The following CTNNA3 variants were observed in gnomAD, a reference collection of about 807,000 sequenced individuals.
CTNNA3 encodes catenin alpha 3, also known as catenin alpha-3.
In CTNNA3, 76 loss-of-function variants were observed where a neutral mutation model predicts 95.7. The ratio of observed to expected loss-of-function variants is 0.79; its 90% confidence interval spans 0.66 to 0.96. CTNNA3 has a LOEUF of 0.96. Ranked by LOEUF, CTNNA3 falls within the 40% of genes least tolerant of loss-of-function variation. CTNNA3 has a pLI of 0.00. For missense variants in CTNNA3, 1,191 were observed against 1,089.8 expected (o/e 1.09, Z -1.31); for synonymous variants, 431 against 374.4 (o/e 1.15, Z -1.74).
At chr10:66,463,624 T>C (rs1564987962) in intron 11 of CTNNA3, among the ~76,000 whole-genome samples, 1 of 152,014 alleles carries the variant, frequency 6.6e-6, no homozygotes, top group Non-Finnish European at 1.5e-5. Context: ...AAAACAATAA[T>C]ATATGAAAAA....
At chr10:65,941,078 A>G (rs1423960690) in intron 17 of CTNNA3, among the ~76,000 whole-genome samples, 2 of 152,230 alleles carry the variant, frequency 1.3e-5, no homozygotes, top group Non-Finnish European at 2.9e-5. Context: ...CTTGCAAGCC[A>G]ATATTTACAT....
At chr10:66,416,110 A>C (rs2093143821) in intron 11 of CTNNA3, among the ~76,000 whole-genome samples, 1 of 142,708 alleles carries the variant, frequency 7.0e-6, no homozygotes, top group South Asian at 2.3e-4. Flanking sequence ...AAAGTGATAG[A>C]TAACGTAGAA....
chr10:67,137,153 G>A (rs1294202707), intron 7 of CTNNA3, among the ~76,000 whole-genome samples: 1 of 152,158 alleles, frequency 6.6e-6, no homozygotes, highest in East Asian at 1.9e-4. Flanking sequence ...GTAACAGTAA[G>A]TGTTGCATGA....
At chr10:67,301,458 T>C (rs955510851) in intron 5 of CTNNA3, among the ~76,000 whole-genome samples, 2 of 152,100 alleles carry the variant, frequency 1.3e-5, no homozygotes, top group Admixed American at 6.6e-5. Flanking sequence ...CTCAAAAAAC[T>C]AAAAATAGAG....
chr10:66,812,392 C>G (rs1841916941), intron 7 of CTNNA3, among the ~76,000 whole-genome samples: 1 of 152,102 alleles, frequency 6.6e-6, no homozygotes, highest in Non-Finnish European at 1.5e-5. Flanking sequence ...ACATGGTATT[C>G]TGCTATGACA....
At chr10:66,165,888 C>T (rs1458724257) in intron 13 of CTNNA3, among the ~76,000 whole-genome samples, 1 of 151,948 alleles carries the variant, frequency 6.6e-6, no homozygotes, top group Non-Finnish European at 1.5e-5. Context: ...CTGCCTCAGC[C>T]TCCCAAGTAG....
intron 7 of CTNNA3, among the ~76,000 whole-genome samples, chr10:67,005,053 AT>A (rs777213790): frequency 2.0e-5 from 3 of 152,212 alleles, no homozygotes; most frequent in Non-Finnish European, 4.4e-5. Context: ...ATAGTACACA[AT>A]GTGGGATTGG....
intron 9 of CTNNA3, among the ~76,000 whole-genome samples, chr10:66,749,655 T>A (rs1411610706): frequency 6.6e-6 from 1 of 152,224 alleles, no homozygotes; most frequent in African/African-American, 2.4e-5. Flanking sequence ...CAATTATGAA[T>A]AAAGCTTCTA....
intron 11 of CTNNA3, among the ~76,000 whole-genome samples, chr10:66,472,482 T>G (rs1384974466): frequency 1.3e-5 from 2 of 151,978 alleles, no homozygotes; most frequent in Non-Finnish European, 2.9e-5. Context: ...TGTGGCTGGT[T>G]TTCTCATTTT....
At chr10:66,991,397 T>G (rs187290258) in intron 7 of CTNNA3, among the ~76,000 whole-genome samples, 1 of 152,318 alleles carries the variant, frequency 6.6e-6, no homozygotes, top group East Asian at 1.9e-4. Context: ...AATAGCCTAC[T>G]CAGAAAATTA....
intron 13 of CTNNA3, among the ~76,000 whole-genome samples, chr10:66,222,469 T>C (rs1396456670): frequency 6.6e-6 from 1 of 152,026 alleles, no homozygotes; most frequent in African/African-American, 2.4e-5. Flanking sequence ...CTCATGTGTT[T>C]ATGCATTTAT....
In CTNNA3 at chr10:66,819,692, T is replaced by G. The variant is rs148744819; in HGVS notation, c.1048-44168A>C. On this transcript the variant is annotated intron_variant, in intron 7 of 17. Coordinates refer to ENST00000433211, the MANE Select transcript of CTNNA3 (RefSeq NM_013266.4). ...TTAAAATACAGGCAAAGGATTTGACTAAACATTTTTCTAGACATACAAATG... is the reference window on the plus strand; with the variant it reads ...TTAAAATACAGGCAAAGGATTTGACGAAACATTTTTCTAGACATACAAATG... 3.8e-3 allele frequency among the ~76,000 whole-genome samples: 584 copies of G among 152,314 alleles called. 2 individuals are homozygous for G. The highest frequency in any genetic ancestry group is 6.6e-3 in the Non-Finnish European group (449 of 68,028).
chr10:67,221,354 C>T (rs944395230), intron 5 of CTNNA3, among the ~76,000 whole-genome samples: 14 of 152,120 alleles, frequency 9.2e-5, no homozygotes, highest in African/African-American at 3.4e-4. Flanking sequence ...AGTTCATTCA[C>T]TTCATATACA....
At position 66,793,939 on chromosome 10, in the gene CTNNA3, C is replaced by T. The variant is rs189833372; in HGVS notation, c.1048-18415G>A. On this transcript the variant is annotated intron_variant, in intron 7 of 17. Coordinates refer to ENST00000433211, the MANE Select transcript of CTNNA3 (RefSeq NM_013266.4). ...TGGTTTTCTCATTAGCTATTAGTCA[C>T]AAATATAGCAATACACAAGCAAATT... Among the ~76,000 whole-genome samples the T allele has an allele frequency of 8.3e-4, 126 of 152,232 alleles. 1 individual carries two copies. Among genetic ancestry groups the T allele is most frequent in the Middle Eastern group, 3.4e-3 (1 of 294 alleles).
chr10:66,077,866 A>G (rs941806648), intron 14 of CTNNA3, among the ~76,000 whole-genome samples: 3 of 151,724 alleles, frequency 2.0e-5, no homozygotes, highest in Non-Finnish European at 4.4e-5. Flanking sequence ...CTCTAAAATT[A>G]TATGTATATA....
At position 66,685,412 on chromosome 10, in the gene CTNNA3, G is replaced by A. The variant is rs11598736; in HGVS notation, c.1282-63628C>T. ...TTTTGAGATGGAGTCTCGCTCTTTC[G>A]CCCAGGCTGGAGTGCAGTGGCGCTA... On this transcript the variant is annotated intron_variant, in intron 9 of 17. Coordinates refer to ENST00000433211, the MANE Select transcript of CTNNA3 (RefSeq NM_013266.4). Among the ~76,000 whole-genome samples the A allele has an allele frequency of 6.1e-3, 650 of 106,540 alleles. 22 individuals carry two copies. Among genetic ancestry groups the A allele is most frequent in the African/African-American group, 0.024 (589 of 25,010 alleles). 69.9% of individuals were successfully genotyped at this position (106,540 alleles called of 152,430 possible). A position where few individuals can be genotyped will look rare whatever the true frequency, so the allele number is the denominator to read the frequency against.
At chr10:66,749,199 A>T in intron 9 of CTNNA3, among the ~76,000 whole-genome samples, 1 of 111,648 alleles carries the variant, frequency 9.0e-6, no homozygotes, top group Non-Finnish European at 1.9e-5. Flanking sequence ...GGAAACTCCA[A>T]CTCAAAAAAA....
intron 9 of CTNNA3, among the ~76,000 whole-genome samples, chr10:66,718,528 T>G (rs1369953497): frequency 6.6e-6 from 1 of 151,926 alleles, no homozygotes; most frequent in Non-Finnish European, 1.5e-5. Context: ...AAATACAGTA[T>G]GCTCCCCATT....
At position 66,807,271 on chromosome 10, in the gene CTNNA3, T is replaced by C. The variant is rs941669114; in HGVS notation, c.1048-31747A>G. On this transcript the variant is annotated intron_variant, in intron 7 of 17. Coordinates refer to ENST00000433211, the MANE Select transcript of CTNNA3 (RefSeq NM_013266.4). ...TACCAAAACTGCTTGGATCCAGAGATACCTGAGATGATGAATTTTGGTGAA... is the reference window on the plus strand; with the variant it reads ...TACCAAAACTGCTTGGATCCAGAGACACCTGAGATGATGAATTTTGGTGAA... Among the ~76,000 whole-genome samples the C allele has an allele frequency of 2.6e-5, 4 of 152,072 alleles. No homozygotes were observed. The South Asian group carries it at 8.3e-4, about 31-fold the overall frequency.
Sources: allele counts gnomAD v4.1 joint callset (sites outside exome capture counted in the v4.1 genomes callset), GRCh38; gene constraint gnomAD v4.1.1; transcripts MANE v1.5; gene names NCBI Gene and HGNC (gene_info 2026-07-23, HGNC 2026-07-21).